DLEU7: variants seen among roughly 807,000 people sequenced by gnomAD.
The protein encoded by DLEU7 is deleted in lymphocytic leukemia 7, also known as leukemia-associated protein 7.
Under a neutral mutation model 16.0 loss-of-function variants are expected in DLEU7, and 17 were observed. That is an observed-to-expected ratio of 1.06 (90% confidence interval 0.73 to 1.59). The LOEUF is 1.59. Among genes scored for constraint, DLEU7 ranks in the 40% most tolerant of loss-of-function variants. The pLI, the probability that DLEU7 is intolerant of heterozygous loss-of-function variation, is 0.00. For missense variants in DLEU7, 308 were observed against 314.9 expected, an observed-to-expected ratio of 0.98 and a Z score of 0.17; for synonymous variants, 113 against 139.8, an observed-to-expected ratio of 0.81 and a Z score of 1.35.
At chr13:50,776,681 G>A (rs1875506557) in intron 1 of DLEU7, among the ~76,000 whole-genome samples, 1 of 152,058 alleles carries the variant, frequency 6.6e-6, no homozygotes, top group African/African-American at 2.4e-5. Flanking sequence ...AGCTCATAGG[G>A]TCACCACTTC....
At chr13:50,824,142 C>T (rs1053517436) in intron 1 of DLEU7, among the ~76,000 whole-genome samples, 1 of 152,106 alleles carries the variant, frequency 6.6e-6, no homozygotes, top group Non-Finnish European at 1.5e-5. Flanking sequence ...GTTCAGTATT[C>T]CAATACAGAA....
intron 1 of DLEU7, among the ~76,000 whole-genome samples, chr13:50,773,116 T>C (rs894893240): frequency 4.6e-5 from 7 of 152,344 alleles, no homozygotes; most frequent in Admixed American, 2.6e-4. Flanking sequence ...TTCAGCTCCA[T>C]CAGGTCATTT....
intron 1 of DLEU7, among the ~76,000 whole-genome samples, chr13:50,753,390 A>T (rs987348038): frequency 6.6e-6 from 1 of 152,188 alleles, no homozygotes; most frequent in African/African-American, 2.4e-5. Context: ...CGGGCTGCAC[A>T]GGAGCACACG....
chr13:50,821,261 G>C (rs940393093), downstream of DLEU7, among the ~76,000 whole-genome samples: 1 of 151,940 alleles, frequency 6.6e-6, no homozygotes, highest in Non-Finnish European at 1.5e-5. Context: ...GAAGGGAACT[G>C]GTGGCATGTG....
At chr13:50,828,937 T>C (rs1877175962) in intron 1 of DLEU7, among the ~76,000 whole-genome samples, 1 of 152,162 alleles carries the variant, frequency 6.6e-6, no homozygotes, top group South Asian at 2.1e-4. Flanking sequence ...CCTACCTTTG[T>C]GTGTTGCTCA....
intron 1 of DLEU7, among the ~76,000 whole-genome samples, chr13:50,761,338 G>A (rs1026342709): frequency 6.6e-6 from 1 of 152,124 alleles, no homozygotes; most frequent in Non-Finnish European, 1.5e-5. Context: ...GGGACGAATT[G>A]TTTTAGTGAA....
intron 1 of DLEU7, among the ~76,000 whole-genome samples, chr13:50,811,783 A>C (rs1876575538): frequency 6.6e-6 from 1 of 152,132 alleles, no homozygotes; most frequent in Non-Finnish European, 1.5e-5. Context: ...AATGCCTGTA[A>C]GATGTCTGGG....
chr13:50,824,565 A>G (rs1877021065), intron 1 of DLEU7, among the ~76,000 whole-genome samples: 1 of 152,200 alleles, frequency 6.6e-6, no homozygotes. Flanking sequence ...CTATGAAGAA[A>G]TGAAAGTTAG....
At chr13:50,778,046 G>T (rs185028969) in intron 1 of DLEU7, among the ~76,000 whole-genome samples, 51 of 152,210 alleles carry the variant, frequency 3.4e-4, no homozygotes, top group African/African-American at 1.1e-3. Flanking sequence ...CTGCTACAAG[G>T]AACTACCTGA....
chr13:50,811,583 C>G (rs1475079822), intron 1 of DLEU7, among the ~76,000 whole-genome samples: 1 of 152,094 alleles, frequency 6.6e-6, no homozygotes, highest in Non-Finnish European at 1.5e-5. Context: ...GAAAATGGAC[C>G]CATCAAATGG....
At chr13:50,769,451 T>C (rs1284161370) in intron 1 of DLEU7, among the ~76,000 whole-genome samples, 19 of 152,132 alleles carry the variant, frequency 1.2e-4, no homozygotes, top group Admixed American at 1.2e-3. Flanking sequence ...ATCCATCTTG[T>C]GTTAATTATT....
At chr13:50,753,315 C>T (rs1874639459) in intron 1 of DLEU7, among the ~76,000 whole-genome samples, 1 of 152,258 alleles carries the variant, frequency 6.6e-6, no homozygotes, top group African/African-American at 2.4e-5. Flanking sequence ...CTGCACTCCT[C>T]AGCCCTTGCG....
intron 1 of DLEU7, among the ~76,000 whole-genome samples, chr13:50,808,337 A>G (rs1876455385): frequency 2.0e-5 from 3 of 152,148 alleles, no homozygotes; most frequent in Admixed American, 2.0e-4. Context: ...CCATGTAAGA[A>G]TATTCATTTT....
chr13:50,733,363 C>T (rs1873974987), intron 1 of DLEU7, among the ~76,000 whole-genome samples: 1 of 152,162 alleles, frequency 6.6e-6, no homozygotes, highest in African/African-American at 2.4e-5. Flanking sequence ...AATTGAATGT[C>T]CTGCACCTAC....
intron 1 of DLEU7, among the ~76,000 whole-genome samples, chr13:50,755,494 C>T (rs1179951760): frequency 6.6e-6 from 1 of 152,128 alleles, no homozygotes; most frequent in Non-Finnish European, 1.5e-5. Flanking sequence ...CTGAGACTTT[C>T]CAGAACATTT....
At position 50,814,678 on chromosome 13, in the gene DLEU7, T is replaced by TACACACAC. The variant is rs59737244; in HGVS notation, c.459+28502_459+28509dup. On this transcript the variant is annotated intron_variant, in intron 1 of 1. Coordinates refer to the DLEU7 transcript ENST00000400393. ...TACAAATCTATACACTACATAGAAC[T>TACACACAC]ACACACACACACACACACACACACA... 6.4e-5 allele frequency among the ~76,000 whole-genome samples: 9 copies of TACACACAC among 140,336 alleles called. No homozygotes were observed. In the South Asian group the frequency reaches 2.3e-3, roughly 36 times the overall value. 92.1% of individuals were successfully genotyped at this position (140,336 alleles called of 152,430 possible).
intron 1 of DLEU7, among the ~76,000 whole-genome samples, chr13:50,813,298 T>G (rs558827712): frequency 6.6e-6 from 1 of 152,276 alleles, no homozygotes; most frequent in Admixed American, 6.5e-5. Flanking sequence ...TGTTTGAGAC[T>G]TTTTATATCC....
rs1407216733 is a variant in DLEU7, at chr13:50,823,014, A to G, written c.*300T>C. ...GTATCATTCAATAAAAACTAATAAT[A>G]TGAATAAATATATACATACATAATC... On this transcript the variant is annotated 3_prime_UTR_variant, in exon 2 of 2. Transcript: ENST00000504404. The G allele has an allele frequency of 1.6e-4, 149 of 933,604 alleles. No homozygotes were observed. The highest frequency in any genetic ancestry group is 1.9e-4 in the Non-Finnish European group (144 of 763,942). The allele number at this position is 933,604 out of a possible 1,614,324, so 57.8% of individuals were successfully genotyped here.
At chr13:50,713,620 C>G (rs189438538) in intron 1 of DLEU7, among the ~76,000 whole-genome samples, 1 of 152,258 alleles carries the variant, frequency 6.6e-6, no homozygotes, top group East Asian at 1.9e-4. Context: ...GAGCTCTTGA[C>G]AGGAAAGGGG....
Sources: gnomAD v4.1 joint callset for allele counts (sites outside exome capture counted in the v4.1 genomes callset) on GRCh38, gnomAD v4.1.1 for gene constraint, MANE v1.5 for transcripts, NCBI Gene and HGNC (gene_info 2026-07-23, HGNC 2026-07-21) for gene names.